Variants in MARCHF1 observed in about 807,000 individuals in gnomAD.
MARCHF1 encodes E3 ubiquitin-protein ligase MARCHF1.
Under a neutral mutation model 54.2 loss-of-function variants are expected in MARCHF1, and 40 were observed. The observed-to-expected ratio is 0.74, with a 90% CI of 0.57 to 0.96. The LOEUF (loss-of-function observed/expected upper bound fraction) is 0.96, where lower values mean the gene tolerates loss of function less well. MARCHF1 is among the 40% of genes least tolerant of loss of function. The pLI is 0.00. For missense variants in MARCHF1, 586 were observed against 656.5 expected, an observed-to-expected ratio of 0.89 and a Z score of 1.17; for synonymous variants, 236 against 236.3, an observed-to-expected ratio of 1.00 and a Z score of 0.01.
intron 1 of MARCHF1, among the ~76,000 whole-genome samples, chr4:164,174,076 C>T (rs1160724): frequency 0.64 from 97,379 of 152,070 alleles, 34,216 homozygotes; most frequent in Non-Finnish European, 0.82. Context: ...CTAGTCAATA[C>T]TTCCTTCTGA....
rs116275541 is a variant in MARCHF1 at position 164,139,924 on chromosome 4, A to G, written c.-322-28262T>C. The stretch of plus-strand genomic sequence containing the variant: ...ATTTGACTCATTCAAATTTCTGGGA[A>G]TTGATGACATCTTTCACTTCATTTT... On this transcript the variant is annotated intron_variant, in intron 1 of 9. Transcript: ENST00000514618. Among the ~76,000 whole-genome samples, 863 of 152,230 alleles carry G rather than the reference A, an allele frequency of 5.7e-3. 8 individuals carry two copies. The highest frequency in any genetic ancestry group is 0.02 in the African/African-American group (817 of 41,536).
chr4:163,543,780 G>A (rs1328247489), intron 9 of MARCHF1, among the ~76,000 whole-genome samples: 1 of 152,178 alleles, frequency 6.6e-6, no homozygotes, highest in African/African-American at 2.4e-5. Flanking sequence ...GGGTGTCTAT[G>A]AGGGTCTATG....
At chr4:163,833,855 T>C (rs1406556935) in intron 4 of MARCHF1, among the ~76,000 whole-genome samples, 1 of 152,132 alleles carries the variant, frequency 6.6e-6, no homozygotes, top group Non-Finnish European at 1.5e-5. Context: ...TGCACACCCT[T>C]GTGTAACATC....
At chr4:163,959,696 T>C (rs1185084385) in intron 3 of MARCHF1, among the ~76,000 whole-genome samples, 1 of 152,020 alleles carries the variant, frequency 6.6e-6, no homozygotes, top group South Asian at 2.1e-4. Context: ...ATGTAAAATC[T>C]AAAAATATAA....
chr4:164,106,102 G>A (rs57796252), intron 2 of MARCHF1, among the ~76,000 whole-genome samples: 51 of 150,900 alleles, frequency 3.4e-4, no homozygotes, highest in Middle Eastern at 3.4e-3. Flanking sequence ...CGATCATTAA[G>A]AAGTCAGGAA....
intron 1 of MARCHF1, among the ~76,000 whole-genome samples, chr4:164,133,369 C>A (rs1245399411): frequency 1.3e-5 from 2 of 152,180 alleles, no homozygotes; most frequent in Admixed American, 6.5e-5. Flanking sequence ...TAGCTTTTAT[C>A]AAGAATAAAA....
chr4:164,008,814 T>C (rs1358689018), intron 2 of MARCHF1, among the ~76,000 whole-genome samples: 3 of 151,818 alleles, frequency 2.0e-5, no homozygotes, highest in Admixed American at 1.3e-4. Context: ...TACCAAAATA[T>C]ATGGGATATG....
At chr4:164,090,306 G>T (rs1755271724) in intron 2 of MARCHF1, among the ~76,000 whole-genome samples, 1 of 150,594 alleles carries the variant, frequency 6.6e-6, no homozygotes, top group South Asian at 2.1e-4. Context: ...TATTTGGAAA[G>T]AAAATATATT....
intron 5 of MARCHF1, among the ~76,000 whole-genome samples, chr4:163,670,965 A>G (rs1743715913): frequency 6.6e-6 from 1 of 152,216 alleles, no homozygotes; most frequent in Admixed American, 6.5e-5. Context: ...AGGCTGACCT[A>G]GCAAATGGTA....
intron 1 of MARCHF1, among the ~76,000 whole-genome samples, chr4:164,274,851 T>G (rs1402986581): frequency 2.7e-5 from 4 of 150,888 alleles, no homozygotes; most frequent in African/African-American, 4.9e-5. Flanking sequence ...TAATTTTTTG[T>G]ATTTTTAGTA....
chr4:163,773,142 C>A (rs1324488916), intron 4 of MARCHF1, among the ~76,000 whole-genome samples: 1 of 152,094 alleles, frequency 6.6e-6, no homozygotes, highest in African/African-American at 2.4e-5. Context: ...CAGAGTCCAG[C>A]AGGAGACAGG....
chr4:164,017,812 G>A (rs1753576195), intron 2 of MARCHF1, among the ~76,000 whole-genome samples: 1 of 139,816 alleles, frequency 7.2e-6, no homozygotes, highest in Admixed American at 7.4e-5. Flanking sequence ...AAGTTTATAT[G>A]GAAATGCAAA....
intron 1 of MARCHF1, among the ~76,000 whole-genome samples, chr4:164,144,531 G>A (rs1048434091): frequency 5.3e-5 from 8 of 151,804 alleles, no homozygotes; most frequent in South Asian, 2.1e-4. Context: ...TCAAAACTGC[G>A]CAACTACACA....
intron 1 of MARCHF1, among the ~76,000 whole-genome samples, chr4:164,355,432 A>T (rs1264584167): frequency 7.8e-6 from 1 of 127,924 alleles, no homozygotes; most frequent in African/African-American, 2.9e-5. Flanking sequence ...GATCAATGGA[A>T]CAGAACAGAG....
intron 1 of MARCHF1, among the ~76,000 whole-genome samples, chr4:164,224,712 A>G (rs1732203375): frequency 6.6e-6 from 1 of 152,070 alleles, no homozygotes; most frequent in Admixed American, 6.6e-5. Context: ...GCTAGAATAA[A>G]CAACAATTAA....
intron 2 of MARCHF1, among the ~76,000 whole-genome samples, chr4:164,044,631 A>T (rs968944258): frequency 6.6e-6 from 1 of 152,096 alleles, no homozygotes; most frequent in East Asian, 1.9e-4. Flanking sequence ...CAGGTGGTGG[A>T]TGACTGGAAT....
chr4:164,142,229 G>A (rs11100537), intron 1 of MARCHF1, among the ~76,000 whole-genome samples: 86,407 of 152,072 alleles, frequency 0.57, 27,605 homozygotes, highest in Non-Finnish European at 0.75. Flanking sequence ...CTGCAAGGCC[G>A]CAGCCAGGCT....
chr4:164,137,102 A>C (rs75564366), intron 1 of MARCHF1, among the ~76,000 whole-genome samples: 2,738 of 152,316 alleles, frequency 0.018, 83 homozygotes, highest in African/African-American at 0.062. Flanking sequence ...AAATTTGAAC[A>C]TGCCAAGCTT....
intron 7 of MARCHF1, among the ~76,000 whole-genome samples, chr4:163,589,351 T>A (rs934612629): frequency 2.0e-5 from 3 of 152,110 alleles, no homozygotes; most frequent in African/African-American, 7.2e-5. Context: ...ACTAACAACA[T>A]CATTTTCTCA....
Sources: allele counts gnomAD v4.1 joint callset (sites outside exome capture counted in the v4.1 genomes callset), GRCh38; gene constraint gnomAD v4.1.1; transcripts MANE v1.5; gene names NCBI Gene and HGNC (gene_info 2026-07-23, HGNC 2026-07-21).